The following ERC2 variants were observed in gnomAD, a reference collection of about 807,000 sequenced individuals.
The protein encoded by ERC2 is ELKS/RAB6-interacting/CAST family member 2.
A neutral mutation model predicts 114.8 loss-of-function variants in ERC2; 42 were observed. That is an observed-to-expected ratio of 0.37 (90% CI 0.29 to 0.47). The LOEUF is 0.47. ERC2 is among the 20% of genes least tolerant of loss of function. ERC2 has a pLI of 0.99. For synonymous variants in ERC2, 454 were observed against 425.5 expected, an observed-to-expected ratio of 1.07 and a Z score of -0.82; for missense variants, 939 against 1,150.7, an observed-to-expected ratio of 0.82 and a Z score of 2.66.
chr3:55,734,188 C>T (rs766919463), intron 15 of ERC2, among the ~76,000 whole-genome samples: 22 of 152,152 alleles, frequency 1.4e-4, no homozygotes, highest in Non-Finnish European at 2.5e-4. Context: ...CACAGGATAA[C>T]GGGGCAAACA....
At chr3:55,989,888 C>T (rs1488533361) in intron 11 of ERC2, among the ~76,000 whole-genome samples, 1 of 152,134 alleles carries the variant, frequency 6.6e-6, no homozygotes, top group Non-Finnish European at 1.5e-5. Flanking sequence ...ATATTATTAT[C>T]TAGGGCATCC....
chr3:56,154,974 T>C (rs146863843), intron 4 of ERC2, among the ~76,000 whole-genome samples: 1 of 152,340 alleles, frequency 6.6e-6, no homozygotes, highest in Non-Finnish European at 1.5e-5. Context: ...AGCATGTTCC[T>C]AACCTTGCTA....
chr3:56,200,676 T>C (rs545796069), intron 3 of ERC2, among the ~76,000 whole-genome samples: 2 of 152,284 alleles, frequency 1.3e-5, no homozygotes, highest in South Asian at 2.1e-4. Flanking sequence ...GAATACTCCA[T>C]AGATACAAAA....
intron 17 of ERC2, among the ~76,000 whole-genome samples, chr3:55,561,591 T>C (rs1363872143): frequency 6.6e-6 from 1 of 152,182 alleles, no homozygotes; most frequent in Non-Finnish European, 1.5e-5. Context: ...GCCCCTAATT[T>C]TGATGGGGAA....
chr3:55,673,505 C>T (rs145575733), intron 17 of ERC2, among the ~76,000 whole-genome samples: 2,134 of 152,234 alleles, frequency 0.014, 23 homozygotes, highest in Middle Eastern at 0.031. Context: ...ATCACTTGAA[C>T]CTGGGAGACG....
At chr3:56,102,519 G>A (rs1360956761) in intron 6 of ERC2, among the ~76,000 whole-genome samples, 1 of 152,118 alleles carries the variant, frequency 6.6e-6, no homozygotes, top group Non-Finnish European at 1.5e-5. Context: ...ACTAAACACA[G>A]CAGAGTTCAG....
In ERC2 at chr3:55,785,005, G is replaced by T. The variant is rs2069370971; in HGVS notation, c.2565-50087C>A. ...CATAACCGAAGATGCATGATAGAAAGCCTCACGAAGGAAGGAAGGACATCA... is the reference window on the plus strand; with the variant it reads ...CATAACCGAAGATGCATGATAGAAATCCTCACGAAGGAAGGAAGGACATCA... On this transcript the variant is annotated intron_variant, in intron 14 of 17. Transcript: ENST00000288221. Among the ~76,000 whole-genome samples the T allele has an allele frequency of 2.0e-5, 3 of 152,174 alleles. No homozygotes were observed. The South Asian group carries it at 6.2e-4, about 31-fold the overall frequency.
intron 14 of ERC2, among the ~76,000 whole-genome samples, chr3:55,779,872 T>C (rs1402262801): frequency 6.6e-6 from 1 of 151,072 alleles, no homozygotes; most frequent in Non-Finnish European, 1.5e-5. Context: ...TCTTACAGTG[T>C]AACTGGAGAA....
intron 12 of ERC2, among the ~76,000 whole-genome samples, chr3:55,969,332 T>C (rs1320053315): frequency 6.6e-6 from 1 of 151,940 alleles, no homozygotes; most frequent in Non-Finnish European, 1.5e-5. Context: ...CAAGATGGTA[T>C]GCTGGAGAGC....
At chr3:55,615,132 G>T (rs2059071765) in intron 17 of ERC2, among the ~76,000 whole-genome samples, 1 of 152,196 alleles carries the variant, frequency 6.6e-6, no homozygotes, top group African/African-American at 2.4e-5. Context: ...CCTTGAAACA[G>T]CAAGAGAAAC....
intron 17 of ERC2, among the ~76,000 whole-genome samples, chr3:55,512,828 A>G (rs913897712): frequency 6.6e-6 from 1 of 152,226 alleles, no homozygotes; most frequent in Non-Finnish European, 1.5e-5. Context: ...AAGTGTAGCC[A>G]TTCTTTCAAT....
intron 6 of ERC2, among the ~76,000 whole-genome samples, chr3:56,088,376 T>C (rs761393899): frequency 3.9e-5 from 6 of 152,162 alleles, no homozygotes; most frequent in Non-Finnish European, 5.9e-5. Flanking sequence ...TTGTCATGAA[T>C]CTAAAGAATT....
intron 14 of ERC2, 39 bp from the exon 15 acceptor site, chr3:55,734,957 TA>T (rs746130668): frequency 0.015 from 15,938 of 1,097,132 alleles, 1 homozygote; most frequent in South Asian, 0.026. Context: ...TTTTGTAAAA[TA>T]AAAAAAAAAA....
At chr3:55,841,279 T>C (rs1178157496) in intron 14 of ERC2, among the ~76,000 whole-genome samples, 7 of 152,120 alleles carry the variant, frequency 4.6e-5, no homozygotes, top group African/African-American at 1.7e-4. Context: ...GGTAATTGAA[T>C]CATGGGGGTG....
At chr3:55,655,879 T>C (rs1241797954) in intron 17 of ERC2, among the ~76,000 whole-genome samples, 1 of 152,222 alleles carries the variant, frequency 6.6e-6, no homozygotes, top group Non-Finnish European at 1.5e-5. Flanking sequence ...CCCTTTGCAT[T>C]CTTTTCTTTT....
At chr3:55,732,071 C>T (rs1052579552) in intron 15 of ERC2, among the ~76,000 whole-genome samples, 3 of 152,042 alleles carry the variant, frequency 2.0e-5, no homozygotes, top group Admixed American at 1.3e-4. Context: ...CACTTACAAG[C>T]TGTGAGTCGT....
At chr3:56,417,397 A>G (rs908452452) in intron 2 of ERC2, among the ~76,000 whole-genome samples, 10 of 152,072 alleles carry the variant, frequency 6.6e-5, no homozygotes, top group Non-Finnish European at 1.2e-4. Flanking sequence ...TTTTTTGCAC[A>G]AGAAAAGCCT....
At chr3:56,293,971 T>C (rs1009004604) in intron 3 of ERC2, among the ~76,000 whole-genome samples, 64 of 152,380 alleles carry the variant, frequency 4.2e-4, no homozygotes, top group African/African-American at 1.5e-3. Context: ...GAAATGGTGC[T>C]GCAGATGGAG....
Position 55,609,115 on chromosome 3 carries a change from G to A in ERC2, c.*39+74679C>T, listed in dbSNP as rs890045940. On this transcript the variant is annotated intron_variant, in intron 17 of 17. Coordinates refer to ENST00000288221, the MANE Select transcript of ERC2 (RefSeq NM_015576.3). ...AAAGTTATCTGAAGTCAAGCAGCTA[G>A]TGTTAACAGCAACGCTAGGGCAAGA... Among the ~76,000 whole-genome samples, 20 of 152,334 alleles carry A rather than the reference G, an allele frequency of 1.3e-4. No individual in the cohort carries two copies. The East Asian group carries it at 3.7e-3, about 28-fold the overall frequency.
Sources: gnomAD v4.1 joint callset for allele counts (sites outside exome capture counted in the v4.1 genomes callset) on GRCh38, gnomAD v4.1.1 for gene constraint, MANE v1.5 for transcripts, NCBI Gene and HGNC (gene_info 2026-07-23, HGNC 2026-07-21) for gene names.